The following GSE1 variants were observed in gnomAD, a reference collection of about 807,000 sequenced individuals.
GSE1 encodes the protein genetic suppressor element 1.
Under a neutral mutation model 112.6 loss-of-function variants are expected in GSE1, and 32 were observed. That is an observed-to-expected ratio of 0.28 (90% confidence interval 0.21 to 0.38). The LOEUF (loss-of-function observed/expected upper bound fraction) is 0.38. GSE1 is among the 10% of genes least tolerant of loss of function. GSE1 has a pLI of 1.00. For synonymous variants in GSE1, 1,115 were observed against 735.6 expected (o/e 1.52, Z -8.35); for missense variants, 2,348 against 1,699.2 (o/e 1.38, Z -6.71).
intron 2 of GSE1, among the ~76,000 whole-genome samples, chr16:85,519,974 G>A (rs182047131): frequency 3.4e-4 from 52 of 152,250 alleles, no homozygotes; most frequent in East Asian, 1.2e-3. Flanking sequence ...TATGACCCAC[G>A]GTGCTTTGGG....
chr16:85,418,586 G>C (rs2048756367), intron 2 of GSE1, among the ~76,000 whole-genome samples: 1 of 152,218 alleles, frequency 6.6e-6, no homozygotes, highest in South Asian at 2.1e-4. Context: ...GCCAGACCCA[G>C]CCTCTCAGCA....
At chr16:85,385,599 G>T (rs1480953933) in intron 2 of GSE1, among the ~76,000 whole-genome samples, 1 of 152,220 alleles carries the variant, frequency 6.6e-6, no homozygotes, top group Non-Finnish European at 1.5e-5. Context: ...CACCCAGCAA[G>T]TCCCGTGGCA....
chr16:85,247,650 C>T (rs979113338), intron 1 of GSE1, among the ~76,000 whole-genome samples: 8 of 152,238 alleles, frequency 5.3e-5, no homozygotes, highest in Non-Finnish European at 1.2e-4. Flanking sequence ...TTAGCAGCAG[C>T]AGCGTTGGGG....
chr16:85,638,052 G>A (rs1042164440), intron 2 of GSE1, among the ~76,000 whole-genome samples: 1 of 152,152 alleles, frequency 6.6e-6, no homozygotes, highest in Non-Finnish European at 1.5e-5. Context: ...GGTGCCCTGG[G>A]CCCCAGCCGC....
intron 1 of GSE1, among the ~76,000 whole-genome samples, chr16:85,174,433 G>A (rs1190445611): frequency 6.6e-6 from 1 of 152,242 alleles, no homozygotes; most frequent in African/African-American, 2.4e-5. Flanking sequence ...CTGGACGGGA[G>A]GGAAAGGAGA....
At chr16:85,552,247 G>C (rs576734009), upstream of GSE1, among the ~76,000 whole-genome samples, 296 of 150,464 alleles carry the variant, frequency 2.0e-3, 2 homozygotes, top group African/African-American at 7.1e-3. Flanking sequence ...GAATGGTCTC[G>C]ATCTCCTGAC....
intron 1 of GSE1, among the ~76,000 whole-genome samples, chr16:85,557,199 C>G (rs2045273213): frequency 6.6e-6 from 1 of 152,184 alleles, no homozygotes; most frequent in Admixed American, 6.5e-5. Context: ...TCTTCCCCAC[C>G]GCGCGCCGTC....
chr16:85,594,642 T>C (rs893466991), intron 1 of GSE1: 1 of 152,268 alleles, frequency 6.6e-6, no homozygotes, highest in African/African-American at 2.4e-5. Flanking sequence ...CTGTGGGATG[T>C]GAGCAAGTTT....
At chr16:85,354,510 T>A (rs2046911054) in intron 1 of GSE1, among the ~76,000 whole-genome samples, 2 of 152,216 alleles carry the variant, frequency 1.3e-5, no homozygotes, top group South Asian at 4.1e-4. Flanking sequence ...CCTTCTTTCC[T>A]TATACTCACA....
intron 2 of GSE1, among the ~76,000 whole-genome samples, chr16:85,439,644 C>T (rs896069370): frequency 5.9e-5 from 9 of 152,152 alleles, no homozygotes; most frequent in African/African-American, 1.4e-4. Flanking sequence ...GGTCCAGCCT[C>T]GCCTGGTGAA....
chr16:85,500,701 A>T (rs1490535241), intron 2 of GSE1, among the ~76,000 whole-genome samples: 1 of 152,154 alleles, frequency 6.6e-6, no homozygotes, highest in Non-Finnish European at 1.5e-5. Context: ...TCAGTGTCCC[A>T]TGGCTGCAGA....
chr16:85,491,607 G>C (rs2051012546), intron 2 of GSE1, among the ~76,000 whole-genome samples: 1 of 152,160 alleles, frequency 6.6e-6, no homozygotes, highest in South Asian at 2.1e-4. Context: ...GCTGGAAGGA[G>C]CTTGGGCTCA....
chr16:85,413,334 G>A (rs2048627369), intron 2 of GSE1, among the ~76,000 whole-genome samples: 1 of 152,168 alleles, frequency 6.6e-6, no homozygotes, highest in South Asian at 2.1e-4. Context: ...TAGGAGGAAG[G>A]CAGGGCCATG....
At chr16:85,594,393 G>C (rs1348235265) in intron 1 of GSE1, 1 of 152,170 alleles carries the variant, frequency 6.6e-6, no homozygotes, top group East Asian at 1.9e-4. Flanking sequence ...GGGAATTGTG[G>C]CTCCCTGGCT....
chr16:85,654,797 C>G lies in GSE1; in HGVS notation c.603C>G (p.Leu201=), dbSNP rs769271910. Residue 201 remains leucine (L), a synonymous_variant, in exon 5 of 16, where the codon CTC becomes CTG. Coordinates refer to ENST00000253458, the MANE Select transcript of GSE1 (RefSeq NM_014615.5). Reference sequence around the variant, plus strand: ...TGCCCACTATCCCCGCCTGCAGCCTCCAGCGGCCCGTGCACCACGTGGTGC... The same window carrying G: ...TGCCCACTATCCCCGCCTGCAGCCTGCAGCGGCCCGTGCACCACGTGGTGC... ...VQDSRFPPLN[L]QRPVHHVVPP... The G allele has an allele frequency of 8.1e-6, 13 of 1,608,828 alleles. No homozygotes were observed. Among genetic ancestry groups the G allele is most frequent in the Admixed American group, 1.7e-5 (1 of 59,814 alleles).
chr16:85,355,645 C>T (rs535098298), intron 1 of GSE1, among the ~76,000 whole-genome samples: 1 of 152,310 alleles, frequency 6.6e-6, no homozygotes, highest in East Asian at 1.9e-4. Flanking sequence ...TAGCACAACA[C>T]TGGGAATGTA....
chr16:85,362,313 T>G (rs1028929889), intron 2 of GSE1, among the ~76,000 whole-genome samples: 2 of 152,222 alleles, frequency 1.3e-5, no homozygotes, highest in Non-Finnish European at 2.9e-5. Flanking sequence ...TCGCATGCAG[T>G]ATAAAATCTA....
At chr16:85,172,962 T>G (rs2074387597) in intron 1 of GSE1, among the ~76,000 whole-genome samples, 1 of 152,244 alleles carries the variant, frequency 6.6e-6, no homozygotes, top group African/African-American at 2.4e-5. Context: ...TCAGATTTCC[T>G]TTTCTACTGA....
At chr16:85,643,711 C>T (rs768115343) in intron 2 of GSE1, among the ~76,000 whole-genome samples, 1 of 152,162 alleles carries the variant, frequency 6.6e-6, no homozygotes, top group South Asian at 2.1e-4. Flanking sequence ...AGTTGGGGTA[C>T]AGAGAAGTCT....
Sources: allele counts gnomAD v4.1 joint callset (sites outside exome capture counted in the v4.1 genomes callset), GRCh38; gene constraint gnomAD v4.1.1; transcripts MANE v1.5; gene names NCBI Gene and HGNC (gene_info 2026-07-23, HGNC 2026-07-21).